The following EEFSEC variants were observed in gnomAD, a reference collection of about 807,000 sequenced individuals.
EEFSEC encodes the protein eukaryotic elongation factor, selenocysteine-tRNA specific.
A neutral mutation model predicts 42.1 loss-of-function variants in EEFSEC; 43 were observed. The observed-to-expected ratio is 1.02, with a 90% CI of 0.80 to 1.32. The LOEUF (loss-of-function observed/expected upper bound fraction) is 1.32, where lower values mean the gene tolerates loss of function less well. Ranked by LOEUF, EEFSEC falls within the 40% of genes most tolerant of loss-of-function variation. EEFSEC has a pLI of 0.00. For synonymous variants in EEFSEC, 354 were observed against 339.1 expected (o/e 1.04, Z -0.48); for missense variants, 745 against 803.6 (o/e 0.93, Z 0.88).
At chr3:128,237,528 G>C (rs2066025588) in intron 1 of EEFSEC, among the ~76,000 whole-genome samples, 2 of 152,188 alleles carry the variant, frequency 1.3e-5, no homozygotes, top group African/African-American at 4.8e-5. Context: ...TCCAGATGTG[G>C]ACCTTGGGGT....
intron 1 of EEFSEC, among the ~76,000 whole-genome samples, chr3:128,181,203 C>A (rs2065401853): frequency 6.6e-6 from 1 of 152,160 alleles, no homozygotes; most frequent in South Asian, 2.1e-4. Flanking sequence ...CTAAGGGGCC[C>A]CATCTTTTCC....
intron 6 of EEFSEC, among the ~76,000 whole-genome samples, chr3:128,362,617 C>T (rs1049224572): frequency 3.3e-5 from 5 of 152,204 alleles, no homozygotes; most frequent in Admixed American, 2.0e-4. Context: ...GAGGGGCACG[C>T]GGAGCTTAAA....
rs116422733 is a variant in EEFSEC, at chr3:128,375,738, G to C, written c.1600+17365G>C. Among the ~76,000 whole-genome samples the C allele has an allele frequency of 2.8e-3, 421 of 152,298 alleles. 1 individual carries two copies. Among genetic ancestry groups the C allele is most frequent in the African/African-American group, 9.4e-3 (392 of 41,566 alleles). On this transcript the variant is annotated intron_variant, in intron 6 of 6. Coordinates refer to ENST00000254730, the MANE Select transcript of EEFSEC (RefSeq NM_021937.5). The stretch of plus-strand genomic sequence containing the variant: ...TCGGCTTCTCCACTCCCTGGACAGA[G>C]AGCTCTGAATCCCAGGTGGCTCCAC...
At chr3:128,319,641 T>C (rs535556513) in intron 4 of EEFSEC, among the ~76,000 whole-genome samples, 1 of 152,308 alleles carries the variant, frequency 6.6e-6, no homozygotes, top group South Asian at 2.1e-4. Context: ...AGCACACCAG[T>C]GACCAACCAG....
At chr3:128,180,822 G>A (rs2065397779) in intron 1 of EEFSEC, among the ~76,000 whole-genome samples, 1 of 152,216 alleles carries the variant, frequency 6.6e-6, no homozygotes, top group Non-Finnish European at 1.5e-5. Flanking sequence ...GGTACAGCAG[G>A]AAGGCATAGT....
intron 1 of EEFSEC, among the ~76,000 whole-genome samples, chr3:128,156,687 G>A (rs1944387024): frequency 6.6e-6 from 1 of 152,208 alleles, no homozygotes; most frequent in South Asian, 2.1e-4. Context: ...GATCTTTGAT[G>A]TTACTATTGT....
chr3:128,250,435 G>A (rs1001152044), intron 2 of EEFSEC, among the ~76,000 whole-genome samples: 7 of 152,124 alleles, frequency 4.6e-5, no homozygotes, highest in Admixed American at 3.3e-4. Context: ...TGTATATGAT[G>A]TAAGTTAAGG....
chr3:128,380,986 C>G (rs927259274), intron 6 of EEFSEC, among the ~76,000 whole-genome samples: 3 of 152,226 alleles, frequency 2.0e-5, no homozygotes, highest in Non-Finnish European at 4.4e-5. Flanking sequence ...GAAGTTCATG[C>G]TCAGCCTGGT....
intron 5 of EEFSEC, among the ~76,000 whole-genome samples, chr3:128,342,347 G>A (rs1559930477): frequency 1.3e-5 from 2 of 152,228 alleles, no homozygotes; most frequent in South Asian, 2.1e-4. Flanking sequence ...AGCTGCTTAT[G>A]TCCAGAGGGA....
chr3:128,198,988 C>T (rs1401726736), intron 1 of EEFSEC, among the ~76,000 whole-genome samples: 1 of 152,172 alleles, frequency 6.6e-6, no homozygotes, highest in African/African-American at 2.4e-5. Context: ...TGCGCCACCG[C>T]ACCCAGCTAA....
chr3:128,237,903 TC>T (rs35672741), intron 1 of EEFSEC, among the ~76,000 whole-genome samples: 1 of 152,162 alleles, frequency 6.6e-6, no homozygotes, highest in African/African-American at 2.4e-5. Flanking sequence ...TTCCTCTCTA[TC>T]CTCAGGGCCT....
chr3:128,335,931 G>A (rs1471824175), intron 4 of EEFSEC, among the ~76,000 whole-genome samples: 3 of 152,222 alleles, frequency 2.0e-5, no homozygotes, highest in Non-Finnish European at 4.4e-5. Flanking sequence ...ACATCAGAGC[G>A]TTGCCCTGGA....
intron 2 of EEFSEC, among the ~76,000 whole-genome samples, chr3:128,248,712 A>G (rs370140030): frequency 4.6e-5 from 7 of 152,348 alleles, no homozygotes; most frequent in African/African-American, 1.7e-4. Context: ...GTACTCAGAT[A>G]CAACCTCAGT....
intron 4 of EEFSEC, among the ~76,000 whole-genome samples, chr3:128,285,600 G>T (rs1419290136): frequency 6.6e-6 from 1 of 152,100 alleles, no homozygotes; most frequent in East Asian, 1.9e-4. Context: ...CTGTGTTTGG[G>T]TCTACCCTCT....
intron 4 of EEFSEC, among the ~76,000 whole-genome samples, chr3:128,298,479 A>G (rs1440151313): frequency 6.6e-6 from 1 of 152,218 alleles, no homozygotes; most frequent in Non-Finnish European, 1.5e-5. Flanking sequence ...ATAGTTGTAC[A>G]TATTTGGGGG....
At chr3:128,224,717 T>A (rs2065892090) in intron 1 of EEFSEC, among the ~76,000 whole-genome samples, 1 of 152,258 alleles carries the variant, frequency 6.6e-6, no homozygotes, top group Admixed American at 6.5e-5. Context: ...GACATTTTCT[T>A]GCGTAAATCA....
intron 6 of EEFSEC, among the ~76,000 whole-genome samples, chr3:128,395,745 G>A (rs73861078): frequency 2.0e-5 from 3 of 152,282 alleles, no homozygotes; most frequent in African/African-American, 7.2e-5. Flanking sequence ...GCAGAGGGCT[G>A]AGCCTCAGTT....
chr3:128,376,706 G>A (rs564930073), intron 6 of EEFSEC, among the ~76,000 whole-genome samples: 3 of 152,292 alleles, frequency 2.0e-5, no homozygotes, highest in Non-Finnish European at 4.4e-5. Context: ...GACTTGTGTG[G>A]TGGAAAGATG....
chr3:128,272,291 C>G (rs1283495452), intron 4 of EEFSEC, among the ~76,000 whole-genome samples: 1 of 152,230 alleles, frequency 6.6e-6, no homozygotes, highest in Non-Finnish European at 1.5e-5. Context: ...CCCCTGGCAG[C>G]GGCTTGTTAC....
Sources: allele counts gnomAD v4.1 joint callset (sites outside exome capture counted in the v4.1 genomes callset), GRCh38; gene constraint gnomAD v4.1.1; transcripts MANE v1.5; gene names NCBI Gene and HGNC (gene_info 2026-07-23, HGNC 2026-07-21).